Variants in EHBP1 observed in about 807,000 individuals in gnomAD.
EHBP1 encodes EH domain binding protein 1, also known as EH domain-binding protein 1.
EHBP1 carries 55 observed loss-of-function variants against 144.0 expected under a neutral mutation model. That is an observed-to-expected ratio of 0.38 (90% CI 0.31 to 0.48). The LOEUF (loss-of-function observed/expected upper bound fraction) is 0.48. EHBP1 is among the 20% of genes least tolerant of loss of function. The probability of loss-of-function intolerance (pLI) is 0.98; values close to 1 mark genes in which losing one functional copy is unlikely to be tolerated. For synonymous variants in EHBP1, 469 were observed against 472.7 expected, an observed-to-expected ratio of 0.99 and a Z score of 0.10; for missense variants, 1,200 against 1,364.2, an observed-to-expected ratio of 0.88 and a Z score of 1.90.
rs982332652 is a variant in EHBP1 at position 62,787,402 on chromosome 2, C to A, written c.312+16010C>A. Among the ~76,000 whole-genome samples, 77 of 120,330 alleles carry A rather than the reference C, an allele frequency of 6.4e-4. 1 individual carries two copies. The highest frequency in any genetic ancestry group is 1.1e-3 in the South Asian group (3 of 2,712). 78.9% of individuals were successfully genotyped at this position (120,330 alleles called of 152,430 possible). ...CCCCACACTGCACCGCTGCCCCCCCCCCCCACCCCCTTGCTCCATTAATGT... is the reference window on the plus strand; with the variant it reads ...CCCCACACTGCACCGCTGCCCCCCCACCCCACCCCCTTGCTCCATTAATGT... On this transcript the variant is annotated intron_variant, in intron 5 of 22. Transcript: ENST00000431489.
chr2:62,914,043 G>A (rs988681439), intron 10 of EHBP1, among the ~76,000 whole-genome samples: 1 of 152,098 alleles, frequency 6.6e-6, no homozygotes, highest in African/African-American at 2.4e-5. Context: ...ACAATTCCTA[G>A]AAAGAGAGTG....
intron 3 of EHBP1, among the ~76,000 whole-genome samples, chr2:62,752,322 G>A (rs1040189233): frequency 1.3e-5 from 2 of 152,156 alleles, no homozygotes; most frequent in African/African-American, 2.4e-5. Context: ...CTGAGTTCTA[G>A]TTTGATTGCA....
intron 1 of EHBP1, among the ~76,000 whole-genome samples, chr2:62,697,114 G>A (rs1324077752): frequency 1.3e-5 from 2 of 152,162 alleles, no homozygotes; most frequent in Non-Finnish European, 2.9e-5. Context: ...TTTGGCTGAT[G>A]TTTAACAGGT....
At chr2:62,837,728 CA>C in intron 7 of EHBP1, among the ~76,000 whole-genome samples, 1 of 151,208 alleles carries the variant, frequency 6.6e-6, no homozygotes, top group East Asian at 2.0e-4. Flanking sequence ...CAACAAAGAT[CA>C]AAAGAGACAA....
At chr2:62,903,428 A>G (rs2053562816) in intron 10 of EHBP1, among the ~76,000 whole-genome samples, 1 of 152,202 alleles carries the variant, frequency 6.6e-6, no homozygotes, top group Admixed American at 6.5e-5. Flanking sequence ...GTGATTAAAA[A>G]TAAATAATTA....
At chr2:62,860,785 C>T (rs2049460745) in intron 8 of EHBP1, among the ~76,000 whole-genome samples, 1 of 152,040 alleles carries the variant, frequency 6.6e-6, no homozygotes, top group Non-Finnish European at 1.5e-5. Context: ...AGTCTGTTAT[C>T]AGAGGTATAA....
At chr2:62,858,387 G>T in intron 7 of EHBP1, 2 of 1,546,896 alleles carry the variant, frequency 1.3e-6, no homozygotes, top group South Asian at 1.2e-5. Context: ...TATTTGTCTT[G>T]ACTGGCTTCT....
chr2:62,761,382 G>T lies in EHBP1; in HGVS notation c.163-2884G>T, dbSNP rs148005843. 1.5e-4 allele frequency among the ~76,000 whole-genome samples: 23 copies of T among 152,268 alleles called. No individual in the cohort carries two copies. The East Asian group carries it at 3.7e-3, about 24-fold the overall frequency. On this transcript the variant is annotated intron_variant, in intron 3 of 22. Transcript: ENST00000431489. ...TTGTGACAGGGTGGCAATAGAAAGA[G>T]AATAGAGGGAGAATTATTGACAATT... is the stretch of plus-strand genomic sequence containing the variant.
At chr2:62,891,011 T>A (rs970783209) in intron 10 of EHBP1, among the ~76,000 whole-genome samples, 1 of 151,798 alleles carries the variant, frequency 6.6e-6, no homozygotes, top group Non-Finnish European at 1.5e-5. Context: ...AACCCCGTCT[T>A]TACTAAAAAT....
At position 62,768,897 on chromosome 2, in the gene EHBP1, G is replaced by C. The variant is rs142698121; in HGVS notation, c.259-2442G>C. On this transcript the variant is annotated intron_variant, in intron 4 of 22. Transcript: ENST00000431489. ...ATAAATGTGATTCATTACATAAATAGAACTAAAGATAAAAACCACATGATT... is the reference window on the plus strand; with the variant it reads ...ATAAATGTGATTCATTACATAAATACAACTAAAGATAAAAACCACATGATT... Among the ~76,000 whole-genome samples the C allele has an allele frequency of 2.4e-3, 359 of 152,242 alleles. 1 individual carries two copies. The highest frequency in any genetic ancestry group is 3.5e-3 in the Non-Finnish European group (238 of 67,996).
intron 5 of EHBP1, among the ~76,000 whole-genome samples, chr2:62,805,221 G>T (rs1440612077): frequency 6.6e-6 from 1 of 151,588 alleles, no homozygotes; most frequent in Non-Finnish European, 1.5e-5. Context: ...CAAAAATATG[G>T]GATTAGTTAA....
At chr2:63,030,395 CTA>C (rs749844821) in intron 19 of EHBP1, among the ~76,000 whole-genome samples, 58 of 149,446 alleles carry the variant, frequency 3.9e-4, no homozygotes, top group African/African-American at 1.3e-3. Context: ...TAATATTTAG[CTA>C]TATATATATA....
At chr2:62,681,950 A>C (rs1416915332) in intron 1 of EHBP1, among the ~76,000 whole-genome samples, 1 of 152,240 alleles carries the variant, frequency 6.6e-6, no homozygotes, top group Non-Finnish European at 1.5e-5. Flanking sequence ...CACTGGGCAC[A>C]AAATGAAGTT....
intron 10 of EHBP1, among the ~76,000 whole-genome samples, chr2:62,907,695 A>G (rs531084061): frequency 4.6e-5 from 7 of 152,174 alleles, no homozygotes; most frequent in Non-Finnish European, 1.0e-4. Flanking sequence ...GTACCATCTC[A>G]TTAAGGGTTA....
At chr2:62,680,876 A>G (rs1446502045) in intron 1 of EHBP1, among the ~76,000 whole-genome samples, 2 of 152,206 alleles carry the variant, frequency 1.3e-5, no homozygotes, top group Non-Finnish European at 2.9e-5. Context: ...TCATCTGCAA[A>G]GTGAAGAAAA....
At chr2:62,811,248 T>C (rs969328179) in intron 5 of EHBP1, among the ~76,000 whole-genome samples, 1 of 152,226 alleles carries the variant, frequency 6.6e-6, no homozygotes, top group Non-Finnish European at 1.5e-5. Flanking sequence ...TAATTAAGTC[T>C]TTTTGGTTGA....
chr2:62,904,629 G>A (rs2053658492), intron 10 of EHBP1, among the ~76,000 whole-genome samples: 1 of 152,128 alleles, frequency 6.6e-6, no homozygotes, highest in Non-Finnish European at 1.5e-5. Flanking sequence ...CAGGAGCCCT[G>A]CCAGGTGTGG....
At chr2:62,757,954 G>A (rs1190750016) in intron 3 of EHBP1, among the ~76,000 whole-genome samples, 5 of 151,578 alleles carry the variant, frequency 3.3e-5, no homozygotes, top group African/African-American at 4.9e-5. Context: ...GGAGCTTGCA[G>A]TGAGCCCAGA....
At chr2:62,913,686 A>G (rs1269324902) in intron 10 of EHBP1, among the ~76,000 whole-genome samples, 2 of 152,230 alleles carry the variant, frequency 1.3e-5, no homozygotes, top group Non-Finnish European at 2.9e-5. Context: ...TTTTGCATCT[A>G]TGAGCTACTT....
Sources: allele counts gnomAD v4.1 joint callset (sites outside exome capture counted in the v4.1 genomes callset), GRCh38; gene constraint gnomAD v4.1.1; transcripts MANE v1.5; gene names NCBI Gene and HGNC (gene_info 2026-07-23, HGNC 2026-07-21).